NAALADL2: variants seen among roughly 807,000 people sequenced by gnomAD.
NAALADL2 encodes inactive N-acetylated-alpha-linked acidic dipeptidase-like protein 2.
In NAALADL2, 76 loss-of-function variants were observed where a neutral mutation model predicts 87.2. That is an observed-to-expected ratio of 0.87 (90% CI 0.72 to 1.05). The LOEUF is 1.05. Ranked by LOEUF, NAALADL2 falls within the 50% of genes least tolerant of loss-of-function variation. The probability of loss-of-function intolerance (pLI) is 0.00; values close to 1 mark genes in which losing one functional copy is unlikely to be tolerated. For missense variants in NAALADL2, 1,089 were observed against 945.8 expected (o/e 1.15, Z -1.99); for synonymous variants, 354 against 331.0 (o/e 1.07, Z -0.75).
chr3:175,716,484 A>G (rs1349451197), intron 11 of NAALADL2, among the ~76,000 whole-genome samples: 3 of 151,894 alleles, frequency 2.0e-5, no homozygotes, highest in Non-Finnish European at 2.9e-5. Flanking sequence ...TGTGTTTGAC[A>G]CGGAAGCTTG....
At chr3:175,753,722 A>AT (rs1746892391) in intron 12 of NAALADL2, among the ~76,000 whole-genome samples, 2 of 152,110 alleles carry the variant, frequency 1.3e-5, no homozygotes, top group East Asian at 3.9e-4. Context: ...GGGAATCTGC[A>AT]TTTTCATAAG....
At chr3:174,645,792 T>C (rs1417071885) in intron 2 of NAALADL2, among the ~76,000 whole-genome samples, 4 of 152,316 alleles carry the variant, frequency 2.6e-5, no homozygotes, top group South Asian at 2.1e-4. Context: ...TTCATGCATA[T>C]ATTGAAGAGA....
intron 1 of NAALADL2, among the ~76,000 whole-genome samples, chr3:174,950,842 A>C (rs1029322051): frequency 6.6e-6 from 1 of 152,138 alleles, no homozygotes; most frequent in African/African-American, 2.4e-5. Context: ...TTACAAAATA[A>C]TTTGTAATTT....
chr3:175,667,045 T>A (rs1014122252), intron 11 of NAALADL2, among the ~76,000 whole-genome samples: 1 of 149,808 alleles, frequency 6.7e-6, no homozygotes, highest in Non-Finnish European at 1.5e-5. Flanking sequence ...TTTCAAATAC[T>A]CCATTTTATA....
intron 2 of NAALADL2, among the ~76,000 whole-genome samples, chr3:175,114,251 A>G (rs769327674): frequency 8.6e-5 from 13 of 151,664 alleles, no homozygotes; most frequent in Non-Finnish European, 1.5e-4. Context: ...TTCTCATTGG[A>G]GGACTATTAA....
chr3:175,029,637 G>A (rs760750978), intron 1 of NAALADL2, among the ~76,000 whole-genome samples: 2 of 152,012 alleles, frequency 1.3e-5, no homozygotes. Flanking sequence ...TATTAAATTT[G>A]TACTTTAATA....
At chr3:175,226,148 C>A (rs561938094) in intron 2 of NAALADL2, among the ~76,000 whole-genome samples, 2 of 152,158 alleles carry the variant, frequency 1.3e-5, no homozygotes, top group East Asian at 3.9e-4. Context: ...GTAGAGCAGG[C>A]AGATATGTAC....
At chr3:175,004,005 G>A (rs2108773553) in intron 1 of NAALADL2, among the ~76,000 whole-genome samples, 1 of 152,268 alleles carries the variant, frequency 6.6e-6, no homozygotes, top group African/African-American at 2.4e-5. Flanking sequence ...AGTGGACCCA[G>A]TTCCAGGACC....
chr3:175,584,039 C>CTTTT (rs5854648), intron 10 of NAALADL2, among the ~76,000 whole-genome samples: 5 of 144,158 alleles, frequency 3.5e-5, no homozygotes, highest in Admixed American at 7.0e-5. Flanking sequence ...ATTGTCACTA[C>CTTTT]TTTTTTTTTT....
At chr3:175,199,090 G>A (rs916941412) in intron 2 of NAALADL2, among the ~76,000 whole-genome samples, 3 of 152,100 alleles carry the variant, frequency 2.0e-5, no homozygotes, top group Non-Finnish European at 4.4e-5. Context: ...CCTTTGAAAC[G>A]GGATTGTATT....
chr3:175,318,505 A>G (rs1242588368), intron 4 of NAALADL2, among the ~76,000 whole-genome samples: 2 of 152,138 alleles, frequency 1.3e-5, no homozygotes, highest in Non-Finnish European at 2.9e-5. Flanking sequence ...AACTTTTGTT[A>G]GTTTTTATTT....
In NAALADL2 at chr3:174,999,821, A is replaced by G. The variant is rs148732081; in HGVS notation, c.44-96969A>G. Among the ~76,000 whole-genome samples the G allele has an allele frequency of 3.1e-4, 47 of 152,268 alleles. No individual in the cohort carries two copies. The East Asian group carries it at 7.3e-3, about 24-fold the overall frequency. On this transcript the variant is annotated intron_variant, in intron 1 of 13. Coordinates refer to ENST00000454872, the MANE Select transcript of NAALADL2 (RefSeq NM_207015.3). ...ATATTAAAGTTATTAAACTACATAA[A>G]CATAGATAAACATATATATAAAAAT...
At chr3:174,458,255 T>A (rs1715983681) in intron 1 of NAALADL2, among the ~76,000 whole-genome samples, 1 of 152,226 alleles carries the variant, frequency 6.6e-6, no homozygotes, top group Non-Finnish European at 1.5e-5. Flanking sequence ...ACATTGAGTG[T>A]CTCTGGAGTT....
At chr3:175,050,107 T>C (rs9811748) in intron 1 of NAALADL2, among the ~76,000 whole-genome samples, 19,866 of 152,100 alleles carry the variant, frequency 0.13, 1,352 homozygotes, top group Middle Eastern at 0.21. Context: ...TGGTTGTGTG[T>C]GTGTGAGTGT....
intron 2 of NAALADL2, among the ~76,000 whole-genome samples, chr3:175,108,178 A>G (rs916876744): frequency 8.3e-5 from 10 of 120,316 alleles, no homozygotes; most frequent in African/African-American, 3.2e-4. Flanking sequence ...CCTTATATAC[A>G]CAATGTCATA....
At chr3:175,535,245 T>A (rs1483287969) in intron 9 of NAALADL2, among the ~76,000 whole-genome samples, 1 of 152,180 alleles carries the variant, frequency 6.6e-6, no homozygotes, top group Non-Finnish European at 1.5e-5. Context: ...TGAGCATAAG[T>A]GAAAACATTT....
At chr3:175,423,125 A>T (rs1716082927) in intron 5 of NAALADL2, among the ~76,000 whole-genome samples, 1 of 147,284 alleles carries the variant, frequency 6.8e-6, no homozygotes, top group African/African-American at 2.5e-5. Flanking sequence ...ATGCATTTCA[A>T]AGGGAAAGAG....
chr3:175,569,283 G>A (rs976029565), intron 9 of NAALADL2, among the ~76,000 whole-genome samples: 4 of 152,056 alleles, frequency 2.6e-5, no homozygotes, highest in Admixed American at 2.6e-4. Flanking sequence ...ATTACCTCCA[G>A]CTAATCAAAT....
At chr3:174,506,147 G>A (rs1006786693) in intron 1 of NAALADL2, among the ~76,000 whole-genome samples, 3 of 150,988 alleles carry the variant, frequency 2.0e-5, no homozygotes, top group African/African-American at 7.3e-5. Flanking sequence ...AACTTGCTTC[G>A]TACATCTTTC....
Sources: gnomAD v4.1 joint callset for allele counts (sites outside exome capture counted in the v4.1 genomes callset) on GRCh38, gnomAD v4.1.1 for gene constraint, MANE v1.5 for transcripts, NCBI Gene and HGNC (gene_info 2026-07-23, HGNC 2026-07-21) for gene names.